The following RABEPK variants were observed in gnomAD, a reference collection of about 807,000 sequenced individuals.
RABEPK encodes 40 kDa Rab9 effector protein.
Under a neutral mutation model 34.1 loss-of-function variants are expected in RABEPK, and 27 were observed. The observed-to-expected ratio is 0.79, with a 90% CI of 0.58 to 1.09. The LOEUF (loss-of-function observed/expected upper bound fraction) is 1.09, where lower values mean the gene tolerates loss of function less well. Among genes scored for constraint, RABEPK ranks in the 50% least tolerant of loss-of-function variants. The probability of loss-of-function intolerance (pLI) is 0.00; values close to 1 mark genes in which losing one functional copy is unlikely to be tolerated. For missense variants in RABEPK, 449 were observed against 462.6 expected (o/e 0.97, Z 0.27); for synonymous variants, 172 against 169.2 (o/e 1.02, Z -0.13).
chr9:125,232,358 G>A (rs906275370), intron 6 of RABEPK, among the ~76,000 whole-genome samples: 1 of 152,162 alleles, frequency 6.6e-6, no homozygotes, highest in Non-Finnish European at 1.5e-5. Context: ...GTGATCCAAA[G>A]ACTGCCTACA....
At chr9:125,202,961 A>T in intron 1 of RABEPK, 47 bp from the exon 2 acceptor site, 2 of 1,490,494 alleles carry the variant, frequency 1.3e-6, no homozygotes, top group Non-Finnish European at 1.9e-6. Flanking sequence ...ATTGATTAAG[A>T]TGATAATCAT....
chr9:125,222,806 CAG>C (rs1337688616), intron 5 of RABEPK, among the ~76,000 whole-genome samples: 1 of 150,710 alleles, frequency 6.6e-6, no homozygotes, highest in African/African-American at 2.4e-5. Context: ...TCCATGCAAT[CAG>C]AAAGTCTTCA....
rs903699782 is a variant in RABEPK at position 125,210,295 on chromosome 9, C to T, written c.211+2574C>T. ...GCGGGCACCTATAGTCCCAGCTACT[C>T]GGGGAGGCTGAGGCAGGAGAATGGC... On this transcript the variant is annotated intron_variant, in intron 3 of 7. Transcript: ENST00000373538. Among the ~76,000 whole-genome samples, 4 of 143,922 alleles carry T rather than the reference C, an allele frequency of 2.8e-5. No individual in the cohort carries two copies. In the East Asian group the frequency reaches 8.4e-4, roughly 30 times the overall value. 94.4% of individuals were successfully genotyped at this position (143,922 alleles called of 152,430 possible). A position where few individuals can be genotyped will look rare whatever the true frequency, so the allele number is the denominator to read the frequency against.
At chr9:125,202,915 G>A (rs2131363422) in intron 1 of RABEPK, 93 bp from the exon 2 acceptor site, 2 of 858,572 alleles carry the variant, frequency 2.3e-6, no homozygotes, top group East Asian at 2.5e-5. Flanking sequence ...CTAGAAATTA[G>A]TACATTCAAC....
At chr9:125,213,316 A>C in intron 3 of RABEPK, 54 bp from the exon 4 acceptor site, 1 of 1,574,674 alleles carries the variant, frequency 6.4e-7, no homozygotes, top group Non-Finnish European at 8.6e-7. Flanking sequence ...AAGTGTGCCA[A>C]CCAATATAAT....
At chr9:125,205,768 G>A (rs143543970) in intron 2 of RABEPK, among the ~76,000 whole-genome samples, 8 of 152,246 alleles carry the variant, frequency 5.3e-5, no homozygotes, top group East Asian at 1.9e-4. Context: ...GATTACAGGC[G>A]TGAGCCACTG....
In RABEPK at chr9:125,210,458, G is replaced by A. The variant is rs1327084961; in HGVS notation, c.211+2737G>A. On this transcript the variant is annotated intron_variant, in intron 3 of 7. Transcript: ENST00000373538. ...TTATTAGCTGGGCGTGGTGACTCAC[G>A]CCTGTAATCCCAGCACTTTGGGAGG... is the stretch of plus-strand genomic sequence containing the variant. 1.6e-4 allele frequency among the ~76,000 whole-genome samples: 24 copies of A among 146,208 alleles called. 1 individual carries two copies. The South Asian group carries it at 1.7e-3, about 11-fold the overall frequency.
intron 5 of RABEPK, among the ~76,000 whole-genome samples, chr9:125,223,938 T>C (rs560168484): frequency 1.3e-5 from 2 of 152,150 alleles, no homozygotes; most frequent in African/African-American, 2.4e-5. Flanking sequence ...CGTAATCCTT[T>C]GGGAGGCCAC....
At chr9:125,212,911 G>A (rs550286218) in intron 3 of RABEPK, among the ~76,000 whole-genome samples, 27 of 152,114 alleles carry the variant, frequency 1.8e-4, no homozygotes, top group African/African-American at 5.1e-4. Context: ...CTCGTGATCC[G>A]CCCACCTGGG....
At chr9:125,219,199 CTT>C (rs1297507989) in intron 4 of RABEPK, among the ~76,000 whole-genome samples, 2 of 96,278 alleles carry the variant, frequency 2.1e-5, no homozygotes, top group African/African-American at 3.8e-5. Flanking sequence ...TTCTTTCTTT[CTT>C]TTTTTTTTTT....
chr9:125,219,730 C>T (rs763176633), intron 4 of RABEPK, among the ~76,000 whole-genome samples: 7 of 151,024 alleles, frequency 4.6e-5, no homozygotes, highest in Non-Finnish European at 1.0e-4. Context: ...CAGGATATTG[C>T]TTTGTTTCCC....
intron 4 of RABEPK, among the ~76,000 whole-genome samples, chr9:125,220,152 C>T (rs1318026231): frequency 6.6e-6 from 1 of 152,088 alleles, no homozygotes; most frequent in Non-Finnish European, 1.5e-5. Flanking sequence ...GTCCCCACCA[C>T]CATACCCGGC....
chr9:125,206,430 G>A (rs1159677766), intron 2 of RABEPK, among the ~76,000 whole-genome samples: 1 of 151,948 alleles, frequency 6.6e-6, no homozygotes, highest in Non-Finnish European at 1.5e-5. Context: ...GCCTGGAAGT[G>A]GAGGTTATGG....
chr9:125,201,245 A>C (rs532442747), intron 1 of RABEPK, among the ~76,000 whole-genome samples: 1 of 152,370 alleles, frequency 6.6e-6, no homozygotes, highest in South Asian at 2.1e-4. Flanking sequence ...TTGAAGGTTA[A>C]CTAGGAGTTT....
chr9:125,230,363 G>A, intron 6 of RABEPK, among the ~76,000 whole-genome samples: 1 of 152,120 alleles, frequency 6.6e-6, no homozygotes, highest in Non-Finnish European at 1.5e-5. Context: ...GGGAAGTCCT[G>A]TGTAGTGTAT....
intron 2 of RABEPK, among the ~76,000 whole-genome samples, chr9:125,204,130 C>T (rs568888886): frequency 4.7e-5 from 7 of 150,414 alleles, no homozygotes; most frequent in Admixed American, 6.7e-5. Context: ...GTCAGGAGAT[C>T]GAGACCACTC....
rs1324784291 is a variant in RABEPK, at chr9:125,223,164, C to G, written c.526+2464C>G. Among the ~76,000 whole-genome samples the G allele has an allele frequency of 3.3e-5, 5 of 152,272 alleles. No individual in the cohort carries two copies. The South Asian group carries it at 8.3e-4, about 25-fold the overall frequency. On this transcript the variant is annotated intron_variant, in intron 5 of 7. Transcript: ENST00000373538. ...GAATGGTGGCGGGCGCCTATAATCC[C>G]AGCTACTCAGGAGGCTGAGGCAGCA...
chr9:125,209,130 G>A (rs1263785277), intron 3 of RABEPK, among the ~76,000 whole-genome samples: 9 of 139,840 alleles, frequency 6.4e-5, no homozygotes, highest in Admixed American at 2.2e-4. Flanking sequence ...CTGCAAACTC[G>A]GCTTACTGCA....
At chr9:125,216,106 A>G (rs1183703650) in intron 4 of RABEPK, among the ~76,000 whole-genome samples, 1 of 152,170 alleles carries the variant, frequency 6.6e-6, no homozygotes, top group Non-Finnish European at 1.5e-5. Flanking sequence ...CAGCCTGGCC[A>G]ACATGGTGAA....
Sources: gnomAD v4.1 joint callset for allele counts (sites outside exome capture counted in the v4.1 genomes callset) on GRCh38, gnomAD v4.1.1 for gene constraint, MANE v1.5 for transcripts, NCBI Gene and HGNC (gene_info 2026-07-23, HGNC 2026-07-21) for gene names.